CHST3: variants seen among roughly 807,000 people sequenced by gnomAD.
The protein encoded by CHST3 is carbohydrate sulfotransferase 3.
Under a neutral mutation model 35.4 loss-of-function variants are expected in CHST3, and 20 were observed. That is an observed-to-expected ratio of 0.57 (90% CI 0.40 to 0.82). CHST3 has a LOEUF of 0.82. Ranked by LOEUF, CHST3 falls within the 40% of genes least tolerant of loss-of-function variation. The probability of loss-of-function intolerance (pLI) is 0.00; values close to 1 mark genes in which losing one functional copy is unlikely to be tolerated. For synonymous variants in CHST3, 334 were observed against 295.9 expected, an observed-to-expected ratio of 1.13 and a Z score of -1.32; for missense variants, 693 against 670.1, an observed-to-expected ratio of 1.03 and a Z score of -0.38.
At chr10:71,983,459 C>CT (rs147811079) in intron 1 of CHST3, among the ~76,000 whole-genome samples, 2,435 of 151,492 alleles carry the variant, frequency 0.016, 48 homozygotes, top group Non-Finnish European at 0.018. Flanking sequence ...GGGACCATGC[C>CT]TTTTTTTTTG....
chr10:71,991,984 A>G lies in CHST3; in HGVS notation c.-107-13752A>G, dbSNP rs976587140. On this transcript the variant is annotated intron_variant, in intron 1 of 2. Coordinates refer to ENST00000373115, the MANE Select transcript of CHST3 (RefSeq NM_004273.5). ...CTATACTGTAGTCTATTAAGTGTAC[A>G]GTAGTATGTCTAAAAAAAGTACATA... is the stretch of plus-strand genomic sequence containing the variant. 3.9e-5 allele frequency among the ~76,000 whole-genome samples: 6 copies of G among 152,102 alleles called. No homozygotes were observed. The East Asian group carries it at 1.2e-3, about 29-fold the overall frequency.
At chr10:71,979,882 G>A (rs1839784389) in intron 1 of CHST3, among the ~76,000 whole-genome samples, 1 of 152,178 alleles carries the variant, frequency 6.6e-6, no homozygotes, top group Non-Finnish European at 1.5e-5. Flanking sequence ...CCTACCCGGT[G>A]GGTGGGAGTG....
chr10:71,981,057 G>A (rs1002470719), intron 1 of CHST3, among the ~76,000 whole-genome samples: 3 of 152,148 alleles, frequency 2.0e-5, no homozygotes, highest in Admixed American at 6.5e-5. Context: ...AATGAAAGGC[G>A]CTATTTAGCA....
rs1210718081 is a variant in CHST3, at chr10:72,008,419, C to T, written c.1388C>T (p.Thr463Ile). Reference sequence around the variant, plus strand: ...CTGGCGCGGGACGCCGCCGCCCTCACCAACCGCTCAGTCAGCCTGCTGGAG... The same window carrying T: ...CTGGCGCGGGACGCCGCCGCCCTCATCAACCGCTCAGTCAGCCTGCTGGAG... ...YKLARDAAAL[T>I]NRSVSLLEER... Residue 463 changes from threonine (T) to isoleucine (I), a missense_variant, in exon 3 of 3, where the codon ACC becomes ATC. Thr to Ile is a moderately conservative substitution (Grantham distance 89). Transcript: ENST00000373115. 3.8e-6 allele frequency: 6 copies of T among 1,573,544 alleles called. No individual in the cohort carries two copies. In the Admixed American group the frequency reaches 7.4e-5, roughly 19 times the overall value.
intron 1 of CHST3, among the ~76,000 whole-genome samples, chr10:71,977,473 A>G (rs1839757641): frequency 7.0e-6 from 1 of 142,638 alleles, no homozygotes; most frequent in Non-Finnish European, 1.5e-5. Flanking sequence ...TTTTTGAGAC[A>G]GGGTCTCACT....
At chr10:71,988,074 A>G (rs1839865440) in intron 1 of CHST3, among the ~76,000 whole-genome samples, 1 of 152,212 alleles carries the variant, frequency 6.6e-6, no homozygotes, top group Non-Finnish European at 1.5e-5. Context: ...CATTGCATGT[A>G]TACGTACATG....
intron 1 of CHST3, among the ~76,000 whole-genome samples, chr10:71,997,624 C>G (rs1439797117): frequency 6.6e-6 from 1 of 151,644 alleles, no homozygotes; most frequent in Non-Finnish European, 1.5e-5. Flanking sequence ...ACCAAAAATT[C>G]AAACAGTGTA....
intron 1 of CHST3, among the ~76,000 whole-genome samples, chr10:71,986,949 TA>T (rs1046350981): frequency 6.6e-6 from 1 of 152,200 alleles, no homozygotes; most frequent in Non-Finnish European, 1.5e-5. Flanking sequence ...GGGGCCAGCC[TA>T]AGCTCAGAGA....
At position 72,009,471 on chromosome 10, in the gene CHST3, G is replaced by C. The variant is rs1840085473; in HGVS notation, c.*1000G>C. The C allele has an allele frequency of 6.6e-6, 1 of 152,238 alleles. No individual in the cohort carries two copies. Among genetic ancestry groups the C allele is most frequent in the Admixed American group, 6.5e-5 (1 of 15,288 alleles). 9.4% of individuals were successfully genotyped at this position (152,238 alleles called of 1,614,324 possible). ...GCAGCCAAAGGCCCCGTCTAGCTTG[G>C]CTGGCTCCCGAACATGTCCATATTT... is the stretch of plus-strand genomic sequence containing the variant. On this transcript the variant is annotated 3_prime_UTR_variant, in exon 3 of 3. Coordinates refer to ENST00000373115, the MANE Select transcript of CHST3 (RefSeq NM_004273.5).
At chr10:71,982,302 G>A (rs1314861766) in intron 1 of CHST3, among the ~76,000 whole-genome samples, 1 of 152,242 alleles carries the variant, frequency 6.6e-6, no homozygotes, top group African/African-American at 2.4e-5. Flanking sequence ...TGCAGATGGA[G>A]GAAGGGGGCA....
rs1308260704 is a variant in CHST3, at chr10:72,009,294, A to G, written c.*823A>G. ...GGGGAAAGAAACGCGTTAAAGGGCCATGACATGACACAGTTCCCTGGCCGG... is the reference window on the plus strand; with the variant it reads ...GGGGAAAGAAACGCGTTAAAGGGCCGTGACATGACACAGTTCCCTGGCCGG... On this transcript the variant is annotated 3_prime_UTR_variant, in exon 3 of 3. Transcript: ENST00000373115. The G allele has an allele frequency of 6.6e-6, 1 of 152,268 alleles. No homozygotes were observed. The highest frequency in any genetic ancestry group is 1.5e-5 in the Non-Finnish European group (1 of 68,064). 9.4% of individuals were successfully genotyped at this position (152,268 alleles called of 1,614,324 possible). A position where few individuals can be genotyped will look rare whatever the true frequency, so the allele number is the denominator to read the frequency against.
At position 72,012,962 on chromosome 10, in the gene CHST3, T is replaced by C. The variant is rs1840127339; in HGVS notation, c.*4491T>C. ...GTCCTTTGGCACCCCGTAACTGGAC[T>C]GGGGACAAATTTGTTACGTGTTTCC... On this transcript the variant is annotated 3_prime_UTR_variant, in exon 3 of 3. Transcript: ENST00000373115. 6.6e-6 allele frequency: 1 copy of C among 152,260 alleles called. No homozygotes were observed. Among genetic ancestry groups the C allele is most frequent in the Non-Finnish European group, 1.5e-5 (1 of 68,048 alleles). 9.4% of individuals were successfully genotyped at this position (152,260 alleles called of 1,614,324 possible).
chr10:71,991,300 G>A (rs542322442), intron 1 of CHST3, among the ~76,000 whole-genome samples: 7 of 152,310 alleles, frequency 4.6e-5, no homozygotes, highest in African/African-American at 1.7e-4. Flanking sequence ...ATTCCAGGGC[G>A]TTTTGTTCTT....
chr10:71,973,563 C>T (rs188427970), intron 1 of CHST3, among the ~76,000 whole-genome samples: 426 of 152,358 alleles, frequency 2.8e-3, no homozygotes, highest in African/African-American at 8.6e-3. Flanking sequence ...GCTGTCTGTC[C>T]TTGCAAAAGT....
At chr10:71,974,128 T>C (rs896451396) in intron 1 of CHST3, among the ~76,000 whole-genome samples, 2 of 152,242 alleles carry the variant, frequency 1.3e-5, no homozygotes, top group Admixed American at 6.5e-5. Flanking sequence ...CCTGGCACAC[T>C]GAGCATCAGG....
At chr10:71,970,863 G>C (rs1839687762) in intron 1 of CHST3, among the ~76,000 whole-genome samples, 1 of 152,206 alleles carries the variant, frequency 6.6e-6, no homozygotes, top group Admixed American at 6.5e-5. Flanking sequence ...CTACCTGTGA[G>C]CAAACCCTCA....
intron 1 of CHST3, among the ~76,000 whole-genome samples, chr10:71,979,308 TGCCAGGCTCTTGTGAG>T (rs1158856084): frequency 6.6e-6 from 1 of 152,188 alleles, no homozygotes; most frequent in East Asian, 1.9e-4. Flanking sequence ...CCAGGTTGCC[TGCCAGGCTCTTGTGAG>T]AATTGGAGGT....
chr10:72,005,603 C>T, intron 1 of CHST3, 133 bp from the exon 2 acceptor site: 3 of 581,682 alleles, frequency 5.2e-6, no homozygotes, highest in South Asian at 4.0e-5. Flanking sequence ...CTCTGGGGCA[C>T]AGTCTGTCTG....
At chr10:71,998,114 G>A (rs566423408) in intron 1 of CHST3, among the ~76,000 whole-genome samples, 10 of 152,184 alleles carry the variant, frequency 6.6e-5, no homozygotes, top group Non-Finnish European at 1.5e-4. Flanking sequence ...ACCCCAGCCT[G>A]GGTGACAGAG....
Sources: gnomAD v4.1 joint callset for allele counts (sites outside exome capture counted in the v4.1 genomes callset) on GRCh38, gnomAD v4.1.1 for gene constraint, MANE v1.5 for transcripts, NCBI Gene and HGNC (gene_info 2026-07-23, HGNC 2026-07-21) for gene names.